LRRC4C: variants seen among roughly 807,000 people sequenced by gnomAD.
The protein encoded by LRRC4C is leucine rich repeat containing 4C, also known as leucine-rich repeat-containing protein 4C.
A neutral mutation model predicts 33.6 loss-of-function variants in LRRC4C; 5 were observed. That is an observed-to-expected ratio of 0.15 (90% CI 0.08 to 0.31). LRRC4C has a LOEUF of 0.31. Ranked by LOEUF, LRRC4C falls within the 10% of genes least tolerant of loss-of-function variation. LRRC4C has a pLI of 1.00. For missense variants in LRRC4C, 560 were observed against 796.7 expected (o/e 0.70, Z 3.58); for synonymous variants, 329 against 302.0 (o/e 1.09, Z -0.93).
chr11:40,692,488 T>C (rs1945264231), intron 2 of LRRC4C, among the ~76,000 whole-genome samples: 1 of 152,082 alleles, frequency 6.6e-6, no homozygotes, highest in African/African-American at 2.4e-5. Flanking sequence ...ACTTAAAATA[T>C]GAATATTTTA....
Position 40,477,815 on chromosome 11 carries a change from C to T in LRRC4C, c.-269-158094G>A, listed in dbSNP as rs116720235. Among the ~76,000 whole-genome samples, 982 of 152,180 alleles carry T rather than the reference C, an allele frequency of 6.5e-3. 5 individuals carry two copies. The highest frequency in any genetic ancestry group is 0.022 in the African/African-American group (895 of 41,528). ...TCTTGGTTTGACACTTACTGTGTGACGTGGTTTGGCTCTGTGTCCCCACCC... is the reference window on the plus strand; with the variant it reads ...TCTTGGTTTGACACTTACTGTGTGATGTGGTTTGGCTCTGTGTCCCCACCC... On this transcript the variant is annotated intron_variant, in intron 3 of 6. Coordinates refer to ENST00000528697, the MANE Select transcript of LRRC4C (RefSeq NM_001258419.2).
At chr11:40,644,531 A>C (rs1005690349) in intron 3 of LRRC4C, among the ~76,000 whole-genome samples, 1 of 152,250 alleles carries the variant, frequency 6.6e-6, no homozygotes, top group Non-Finnish European at 1.5e-5. Context: ...GACATCCTTC[A>C]ACAGGTAAAT....
At chr11:41,013,727 A>T (rs1381657301) in intron 1 of LRRC4C, among the ~76,000 whole-genome samples, 1 of 152,196 alleles carries the variant, frequency 6.6e-6, no homozygotes, top group African/African-American at 2.4e-5. Context: ...GTCCGTTCTC[A>T]CACTGCTATA....
chr11:40,407,895 A>G (rs1373598689), intron 3 of LRRC4C, among the ~76,000 whole-genome samples: 1 of 152,054 alleles, frequency 6.6e-6, no homozygotes, highest in Admixed American at 6.6e-5. Context: ...GAGAATGAAA[A>G]TTTTGGGGGA....
chr11:40,138,171 T>C (rs1047231112), intron 6 of LRRC4C, among the ~76,000 whole-genome samples: 1 of 120,344 alleles, frequency 8.3e-6, no homozygotes, highest in African/African-American at 4.7e-5. Context: ...ACATTTTTTC[T>C]TTTTTTTTTT....
chr11:40,932,739 C>G (rs1957680459), intron 2 of LRRC4C, among the ~76,000 whole-genome samples: 1 of 152,194 alleles, frequency 6.6e-6, no homozygotes, highest in Non-Finnish European at 1.5e-5. Flanking sequence ...AAAGAGGAGG[C>G]TAATTCATTT....
chr11:41,361,074 T>A (rs1440315300), intron 1 of LRRC4C, among the ~76,000 whole-genome samples: 1 of 152,098 alleles, frequency 6.6e-6, no homozygotes, highest in Non-Finnish European at 1.5e-5. Flanking sequence ...TACCAGGCAG[T>A]TTTCCAGAAA....
At chr11:40,334,067 A>G (rs977913012) in intron 3 of LRRC4C, among the ~76,000 whole-genome samples, 1 of 152,158 alleles carries the variant, frequency 6.6e-6, no homozygotes, top group Admixed American at 6.5e-5. Flanking sequence ...AGTGGATACA[A>G]TTCTGGAGTC....
intron 5 of LRRC4C, among the ~76,000 whole-genome samples, chr11:40,235,865 A>T (rs1447218254): frequency 6.6e-6 from 1 of 152,170 alleles, no homozygotes; most frequent in Non-Finnish European, 1.5e-5. Flanking sequence ...ATATATTTGC[A>T]TGGCCTTATT....
At chr11:40,365,925 G>A (rs1045169913) in intron 3 of LRRC4C, among the ~76,000 whole-genome samples, 7 of 151,788 alleles carry the variant, frequency 4.6e-5, no homozygotes, top group East Asian at 1.9e-4. Context: ...ATATACTGTC[G>A]TGCACACACT....
chr11:40,461,514 A>G (rs1281287381), intron 3 of LRRC4C, among the ~76,000 whole-genome samples: 1 of 152,072 alleles, frequency 6.6e-6, no homozygotes, highest in Non-Finnish European at 1.5e-5. Flanking sequence ...TGTTCTGTAT[A>G]GTGTCTGACA....
chr11:41,350,415 C>A lies in LRRC4C; in HGVS notation c.-496+109016G>T, dbSNP rs1433931089. 2.0e-5 allele frequency among the ~76,000 whole-genome samples: 3 copies of A among 146,778 alleles called. No homozygotes were observed. In the Admixed American group the frequency reaches 2.1e-4, roughly 10 times the overall value. ...GTCCCAGCTACTCGGGAGGCTGAGG[C>A]AGGAGAATGGTGTGAACCTGGGAGG... On this transcript the variant is annotated intron_variant, in intron 1 of 6. Transcript: ENST00000528697.
At chr11:40,865,307 G>A (rs1954300220) in intron 2 of LRRC4C, among the ~76,000 whole-genome samples, 1 of 152,070 alleles carries the variant, frequency 6.6e-6, no homozygotes, top group South Asian at 2.1e-4. Flanking sequence ...GCAGTGAAGG[G>A]GGAAGTTGGG....
chr11:40,806,329 TCTGTCCATGTCC>T (rs1163984906), intron 2 of LRRC4C, among the ~76,000 whole-genome samples: 3 of 152,214 alleles, frequency 2.0e-5, no homozygotes, highest in Admixed American at 6.5e-5. Flanking sequence ...TCTCCATCTA[TCTGTCCATGTCC>T]ATGTCCACGT....
At chr11:40,558,317 A>G (rs1367460860) in intron 3 of LRRC4C, among the ~76,000 whole-genome samples, 1 of 152,144 alleles carries the variant, frequency 6.6e-6, no homozygotes, top group Non-Finnish European at 1.5e-5. Context: ...TTTATCCTCT[A>G]TCTGATCAGC....
At chr11:40,567,885 T>C (rs1377953827) in intron 3 of LRRC4C, among the ~76,000 whole-genome samples, 3 of 152,218 alleles carry the variant, frequency 2.0e-5, no homozygotes, top group African/African-American at 7.2e-5. Flanking sequence ...TTCTGATGTT[T>C]AGTTTCTCAT....
rs57752272 is a variant in LRRC4C, at chr11:40,696,748, G to GTATATA, written c.-406-48476_-406-48471dup. ...GTCTCTGTGCATATATATACACTGT[G>GTATATA]TATATATATATATATATATATATAT... On this transcript the variant is annotated intron_variant, in intron 2 of 6. Transcript: ENST00000528697. 6.7e-3 allele frequency among the ~76,000 whole-genome samples: 847 copies of GTATATA among 125,858 alleles called. 8 individuals are homozygous for GTATATA. Among genetic ancestry groups the GTATATA allele is most frequent in the African/African-American group, 0.019 (607 of 31,964 alleles). The allele number at this position is 125,858 out of a possible 152,430, so 82.6% of individuals were successfully genotyped here.
Position 41,149,435 on chromosome 11 carries a change from G to A in LRRC4C, c.-495-215712C>T, listed in dbSNP as rs535537264. The stretch of plus-strand genomic sequence containing the variant: ...GGCAGGAGAATGGCGTGAACAACCC[G>A]GGAGGCGGAGCTTGCAGTGAGCCGA... On this transcript the variant is annotated intron_variant, in intron 1 of 6. Transcript: ENST00000528697. Among the ~76,000 whole-genome samples, 729 of 151,208 alleles carry A rather than the reference G, an allele frequency of 4.8e-3. 2 individuals carry two copies. Among genetic ancestry groups the A allele is most frequent in the Non-Finnish European group, 8.5e-3 (573 of 67,660 alleles).
intron 1 of LRRC4C, among the ~76,000 whole-genome samples, chr11:41,355,413 A>C (rs1271700830): frequency 6.6e-6 from 1 of 152,130 alleles, no homozygotes. Flanking sequence ...GTCGCTATGC[A>C]AAATGCAAAG....
Sources: allele counts gnomAD v4.1 joint callset (sites outside exome capture counted in the v4.1 genomes callset), GRCh38; gene constraint gnomAD v4.1.1; transcripts MANE v1.5; gene names NCBI Gene and HGNC (gene_info 2026-07-23, HGNC 2026-07-21).